The following SGCZ variants were observed in gnomAD, a reference collection of about 807,000 sequenced individuals.
The protein encoded by SGCZ is sarcoglycan zeta, also known as zeta-sarcoglycan.
Under a neutral mutation model 41.3 loss-of-function variants are expected in SGCZ, and 40 were observed. The observed-to-expected ratio is 0.97, with a 90% CI of 0.75 to 1.26. The LOEUF (loss-of-function observed/expected upper bound fraction) is 1.26, where lower values mean the gene tolerates loss of function less well. Among genes scored for constraint, SGCZ ranks in the 50% most tolerant of loss-of-function variants. The pLI, the probability that SGCZ is intolerant of heterozygous loss-of-function variation, is 0.00. For synonymous variants in SGCZ, 206 were observed against 137.5 expected, an observed-to-expected ratio of 1.50 and a Z score of -3.49; for missense variants, 552 against 369.8, an observed-to-expected ratio of 1.49 and a Z score of -4.04.
At chr8:14,427,248 T>C (rs114806843) in intron 2 of SGCZ, among the ~76,000 whole-genome samples, 1 of 152,070 alleles carries the variant, frequency 6.6e-6, no homozygotes, top group African/African-American at 2.4e-5. Flanking sequence ...CCTTAGTACA[T>C]GGATGAGGAA....
chr8:14,156,512 C>G (rs556800559), intron 5 of SGCZ, among the ~76,000 whole-genome samples: 74 of 152,136 alleles, frequency 4.9e-4, no homozygotes, highest in African/African-American at 1.7e-3. Context: ...CTTTCTTCAA[C>G]AATAACCTTA....
At chr8:15,111,152 C>T (rs1294521919) in intron 1 of SGCZ, among the ~76,000 whole-genome samples, 2 of 152,088 alleles carry the variant, frequency 1.3e-5, no homozygotes, top group Non-Finnish European at 2.9e-5. Flanking sequence ...AAGGGGAATT[C>T]ACACTATTTT....
intron 3 of SGCZ, among the ~76,000 whole-genome samples, chr8:14,249,314 G>C (rs957800377): frequency 6.6e-6 from 1 of 152,094 alleles, no homozygotes; most frequent in African/African-American, 2.4e-5. Context: ...TTCATGTTTG[G>C]TTTAGCATGA....
intron 1 of SGCZ, among the ~76,000 whole-genome samples, chr8:14,608,710 T>C (rs923994316): frequency 6.8e-6 from 1 of 147,234 alleles, no homozygotes; most frequent in Non-Finnish European, 1.5e-5. Context: ...TGGCTTGGTA[T>C]GGGGGATCCA....
intron 1 of SGCZ, among the ~76,000 whole-genome samples, chr8:15,034,253 T>A (rs1803790516): frequency 6.6e-6 from 1 of 152,002 alleles, no homozygotes; most frequent in Non-Finnish European, 1.5e-5. Flanking sequence ...AAATAATAAA[T>A]TTAGCAGAGA....
chr8:14,757,636 G>C (rs962886238), intron 1 of SGCZ, among the ~76,000 whole-genome samples: 22 of 152,276 alleles, frequency 1.4e-4, no homozygotes, highest in Middle Eastern at 3.4e-3. Context: ...CGGGTAGCAT[G>C]ATAGAGAAAA....
chr8:14,376,055 G>T (rs999223581), intron 2 of SGCZ, among the ~76,000 whole-genome samples: 12 of 152,018 alleles, frequency 7.9e-5, no homozygotes, highest in Non-Finnish European at 1.2e-4. Flanking sequence ...GGCTCATGCC[G>T]GTAATCCCAG....
At chr8:14,615,180 A>C (rs1343492367) in intron 1 of SGCZ, among the ~76,000 whole-genome samples, 3 of 152,358 alleles carry the variant, frequency 2.0e-5, no homozygotes, top group Non-Finnish European at 4.4e-5. Flanking sequence ...ACATTAAATA[A>C]GCAGGAGGCC....
chr8:15,237,912 G>T lies in SGCZ; in HGVS notation c.-289C>A. ...TTGAAACAGGGGCCAAAAGAAAAAA[G>T]GAAAAAAAAATCCACTCTATTTAAG... is the stretch of plus-strand genomic sequence containing the variant. On this transcript the variant is annotated 5_prime_UTR_variant, in exon 1 of 8. Coordinates refer to ENST00000382080, the MANE Select transcript of SGCZ (RefSeq NM_139167.4). 6.2e-6 allele frequency: 2 copies of T among 324,366 alleles called. No homozygotes were observed. Among genetic ancestry groups the T allele is most frequent in the East Asian group, 4.7e-5 (1 of 21,068 alleles). 20.1% of individuals were successfully genotyped at this position (324,366 alleles called of 1,614,324 possible). A position where few individuals can be genotyped will look rare whatever the true frequency, so the allele number is the denominator to read the frequency against.
Position 14,982,423 on chromosome 8 carries a change from T to C in SGCZ, c.39+255162A>G, listed in dbSNP as rs189615315. 4.6e-3 allele frequency among the ~76,000 whole-genome samples: 704 copies of C among 152,276 alleles called. 4 individuals carry two copies. Among genetic ancestry groups the C allele is most frequent in the South Asian group, 0.019 (91 of 4,828 alleles). On this transcript the variant is annotated intron_variant, in intron 1 of 7. Transcript: ENST00000382080. ...AGTCTCATCATACAGAAAAATGAGA[T>C]AACATATTTCTCAAAAGATTGTAAT...
chr8:14,130,450 C>A (rs112607061), intron 5 of SGCZ, among the ~76,000 whole-genome samples: 5 of 152,002 alleles, frequency 3.3e-5, no homozygotes, highest in African/African-American at 1.2e-4. Context: ...AGCAAGATAG[C>A]TGACTAGGGG....
chr8:15,031,877 C>G (rs1435887855), intron 1 of SGCZ, among the ~76,000 whole-genome samples: 2 of 149,182 alleles, frequency 1.3e-5, no homozygotes, highest in Admixed American at 6.7e-5. Flanking sequence ...ACTCTATACT[C>G]TCTATATTCT....
intron 3 of SGCZ, among the ~76,000 whole-genome samples, chr8:14,240,060 C>T (rs1458432256): frequency 6.6e-6 from 1 of 151,862 alleles, no homozygotes; most frequent in African/African-American, 2.4e-5. Context: ...GGCGTGGTGG[C>T]TGACACCTGC....
In SGCZ at chr8:14,871,673, A is replaced by G. The variant is rs377093836; in HGVS notation, c.40-316747T>C. On this transcript the variant is annotated intron_variant, in intron 1 of 7. Coordinates refer to ENST00000382080, the MANE Select transcript of SGCZ (RefSeq NM_139167.4). ...ACAAAAATTAGCTGGGCATGGTGGC[A>G]TGCACCTGTAGTCCCAGCTACTTGG... Among the ~76,000 whole-genome samples the G allele has an allele frequency of 2.0e-5, 3 of 151,638 alleles. No individual in the cohort carries two copies. The East Asian group carries it at 5.9e-4, about 30-fold the overall frequency.
chr8:14,316,068 AG>A (rs1801705414), intron 3 of SGCZ, among the ~76,000 whole-genome samples: 1 of 151,880 alleles, frequency 6.6e-6, no homozygotes, highest in South Asian at 2.1e-4. Context: ...GAGTCAGAAA[AG>A]TCTCCATGAC....
At chr8:15,086,668 A>AAAAT (rs1306999128) in intron 1 of SGCZ, among the ~76,000 whole-genome samples, 2 of 151,504 alleles carry the variant, frequency 1.3e-5, no homozygotes, top group Non-Finnish European at 2.9e-5. Flanking sequence ...GTAATTGAAA[A>AAAAT]AATAATTCTG....
intron 1 of SGCZ, among the ~76,000 whole-genome samples, chr8:14,570,793 C>T (rs1804527569): frequency 6.6e-6 from 1 of 152,126 alleles, no homozygotes; most frequent in Non-Finnish European, 1.5e-5. Flanking sequence ...CTATCTGCCT[C>T]TTATTTCCAT....
chr8:14,166,056 G>GTAT (rs1342546079), intron 4 of SGCZ, among the ~76,000 whole-genome samples: 2 of 152,018 alleles, frequency 1.3e-5, no homozygotes, highest in East Asian at 3.9e-4. Context: ...AAAGCCATAT[G>GTAT]TATTTTTTTT....
intron 5 of SGCZ, among the ~76,000 whole-genome samples, chr8:14,111,749 T>G (rs1802377413): frequency 6.6e-6 from 1 of 152,164 alleles, no homozygotes. Flanking sequence ...ATATGATAAT[T>G]TCTGGCTTCT....
Sources: allele counts gnomAD v4.1 joint callset (sites outside exome capture counted in the v4.1 genomes callset), GRCh38; gene constraint gnomAD v4.1.1; transcripts MANE v1.5; gene names NCBI Gene and HGNC (gene_info 2026-07-23, HGNC 2026-07-21).